GLYATL2: variants seen among roughly 807,000 people sequenced by gnomAD.
GLYATL2 encodes glycine-N-acyltransferase like 2.
Under a neutral mutation model 21.4 loss-of-function variants are expected in GLYATL2, and 25 were observed. That is an observed-to-expected ratio of 1.17 (90% confidence interval 0.85 to 1.63). GLYATL2 has a LOEUF of 1.63. Among genes scored for constraint, GLYATL2 ranks in the 40% most tolerant of loss-of-function variants. GLYATL2 has a pLI of 0.00. For missense variants in GLYATL2, 361 were observed against 343.3 expected (o/e 1.05, Z -0.41); for synonymous variants, 114 against 118.2 (o/e 0.96, Z 0.23).
At chr11:58,897,864 A>C (rs1854661431) in intron 1 of GLYATL2, among the ~76,000 whole-genome samples, 1 of 152,238 alleles carries the variant, frequency 6.6e-6, no homozygotes, top group African/African-American at 2.4e-5. Context: ...TTGTATAGCC[A>C]TAGATTATCC....
intron 1 of GLYATL2, among the ~76,000 whole-genome samples, chr11:58,882,042 T>C (rs1854345683): frequency 6.6e-6 from 1 of 152,190 alleles, no homozygotes; most frequent in African/African-American, 2.4e-5. Flanking sequence ...AATAAACATA[T>C]GTGTGCATGT....
intron 1 of GLYATL2, among the ~76,000 whole-genome samples, chr11:58,875,470 T>C (rs1383165051): frequency 1.3e-5 from 2 of 152,222 alleles, no homozygotes; most frequent in Non-Finnish European, 2.9e-5. Context: ...CAGGAGCTCT[T>C]TTAGGGCAGG....
rs1853454770 is a variant in GLYATL2 at position 58,837,335 on chromosome 11, G to T, written c.249C>A (p.Asp83Glu). 6.2e-7 allele frequency: 1 copy of T among 1,613,682 alleles called. No individual in the cohort carries two copies. The highest frequency in any genetic ancestry group is 1.3e-5 in the African/African-American group (1 of 74,906). The change falls in exon 4 of 6, where the codon GAC (aspartate) becomes GAA (glutamate). Residue 83 changes from aspartate (D) to glutamate (E), a missense_variant. Coordinates refer to ENST00000287275, the MANE Select transcript of GLYATL2 (RefSeq NM_145016.4). ...NTYHIFTKAPDKLEEVLSYSN... is the reference protein window; with the variant it reads ...NTYHIFTKAPEKLEEVLSYSN... ...AGTATGACAGGACTTCCTCTAATTT[G>T]TCAGGAGCTTTGGTGAAGATGTGGT...
chr11:58,879,945 G>A (rs565290119), intron 1 of GLYATL2, among the ~76,000 whole-genome samples: 94 of 148,078 alleles, frequency 6.3e-4, no homozygotes, highest in African/African-American at 1.9e-3. Flanking sequence ...TGCAAGCTCC[G>A]CCTCCCGGGC....
chr11:58,902,644 C>T (rs1854759632), intron 1 of GLYATL2, among the ~76,000 whole-genome samples: 1 of 152,214 alleles, frequency 6.6e-6, no homozygotes, highest in South Asian at 2.1e-4. Flanking sequence ...CCATTCCCAC[C>T]TCACCCGACC....
chr11:58,856,447 CT>C (rs990348077), intron 1 of GLYATL2, among the ~76,000 whole-genome samples: 1 of 152,196 alleles, frequency 6.6e-6, no homozygotes, highest in African/African-American at 2.4e-5. Flanking sequence ...CACAACTTGG[CT>C]AACTGTTTGG....
intron 1 of GLYATL2, among the ~76,000 whole-genome samples, chr11:58,899,030 G>C (rs915935647): frequency 3.9e-5 from 6 of 151,944 alleles, no homozygotes; most frequent in Admixed American, 3.3e-4. Context: ...CACATTTTAG[G>C]ATGACCAAAT....
At chr11:58,899,716 G>A (rs1854702135) in intron 1 of GLYATL2, among the ~76,000 whole-genome samples, 1 of 152,148 alleles carries the variant, frequency 6.6e-6, no homozygotes, top group African/African-American at 2.4e-5. Context: ...CCACTAGGGT[G>A]AACAAAGGAC....
intron 1 of GLYATL2, among the ~76,000 whole-genome samples, chr11:58,877,940 G>A (rs1317446623): frequency 6.6e-6 from 1 of 152,202 alleles, no homozygotes; most frequent in African/African-American, 2.4e-5. Context: ...ACCTAATTTA[G>A]TAGTGTGCAC....
chr11:58,872,235 G>T (rs1186993956), intron 1 of GLYATL2, among the ~76,000 whole-genome samples: 2 of 152,126 alleles, frequency 1.3e-5, no homozygotes, highest in Non-Finnish European at 2.9e-5. Context: ...TCTGTAGGTT[G>T]CCTGTTCACT....
At chr11:58,888,925 A>G (rs947190534) in intron 1 of GLYATL2, among the ~76,000 whole-genome samples, 4 of 151,920 alleles carry the variant, frequency 2.6e-5, no homozygotes, top group African/African-American at 9.7e-5. Flanking sequence ...CCAACTAACT[A>G]TTGCAATTGT....
At chr11:58,854,997 A>T (rs1340789303) in intron 1 of GLYATL2, among the ~76,000 whole-genome samples, 1 of 152,202 alleles carries the variant, frequency 6.6e-6, no homozygotes, top group Non-Finnish European at 1.5e-5. Context: ...TTTCCACCAC[A>T]TCTGCAGTTA....
chr11:58,835,861 C>T (rs772122479), intron 5 of GLYATL2, among the ~76,000 whole-genome samples: 3 of 152,140 alleles, frequency 2.0e-5, no homozygotes, highest in Non-Finnish European at 4.4e-5. Context: ...ATTTAATCCC[C>T]ATTTATCATT....
At chr11:58,838,207 G>T in intron 3 of GLYATL2, 54 bp downstream of exon 3, 1 of 1,154,850 alleles carries the variant, frequency 8.7e-7, no homozygotes, top group Non-Finnish European at 1.3e-6. Context: ...TCATTGCCAT[G>T]CAGAGAACGT....
chr11:58,883,275 A>C (rs779038780), intron 1 of GLYATL2, among the ~76,000 whole-genome samples: 1 of 152,168 alleles, frequency 6.6e-6, no homozygotes, highest in Non-Finnish European at 1.5e-5. Context: ...CAATGAATCC[A>C]GGAGCTGGTT....
At chr11:58,846,467 A>C (rs548182336), upstream of GLYATL2, among the ~76,000 whole-genome samples, 40 of 152,202 alleles carry the variant, frequency 2.6e-4, no homozygotes, top group South Asian at 8.3e-4. Context: ...ACCAATCCCC[A>C]TCCCTCCCAA....
chr11:58,875,940 G>T (rs1052312160), intron 1 of GLYATL2, among the ~76,000 whole-genome samples: 1 of 152,104 alleles, frequency 6.6e-6, no homozygotes, highest in Non-Finnish European at 1.5e-5. Flanking sequence ...TTAGACGTAG[G>T]TTTGGTCTTT....
At chr11:58,871,181 C>T (rs866552719) in intron 1 of GLYATL2, among the ~76,000 whole-genome samples, 3 of 151,722 alleles carry the variant, frequency 2.0e-5, no homozygotes, top group Non-Finnish European at 4.4e-5. Flanking sequence ...GTCAAACAGG[C>T]CATTAGATAC....
At position 58,834,398 on chromosome 11, in the gene GLYATL2, A is replaced by C; in HGVS notation, c.*31T>G. 1 of 1,519,118 alleles carries C rather than the reference A, an allele frequency of 6.6e-7. No homozygotes were observed. The highest frequency in any genetic ancestry group is 2.3e-5 in the East Asian group (1 of 44,256). 94.1% of individuals were successfully genotyped at this position (1,519,118 alleles called of 1,614,324 possible). A position where few individuals can be genotyped will look rare whatever the true frequency, so the allele number is the denominator to read the frequency against. On this transcript the variant is annotated 3_prime_UTR_variant, in exon 6 of 6. Coordinates refer to ENST00000287275, the MANE Select transcript of GLYATL2 (RefSeq NM_145016.4). ...TTTGAATTAATGTTTTTTTACTGAT[A>C]AGAAAGATTTGAAATGGACAGTGGA...
Sources: gnomAD v4.1 joint callset for allele counts (sites outside exome capture counted in the v4.1 genomes callset) on GRCh38, gnomAD v4.1.1 for gene constraint, MANE v1.5 for transcripts, NCBI Gene and HGNC (gene_info 2026-07-23, HGNC 2026-07-21) for gene names.